The following TXNL1 variants were observed in gnomAD, a reference collection of about 807,000 sequenced individuals.
TXNL1 encodes the protein thioredoxin-like protein 1.
TXNL1 carries 14 observed loss-of-function variants against 35.5 expected under a neutral mutation model. That is an observed-to-expected ratio of 0.39 (90% CI 0.26 to 0.62). TXNL1 has a LOEUF of 0.62. Ranked by LOEUF, TXNL1 falls within the 20% of genes least tolerant of loss-of-function variation. The pLI is 0.47. For missense variants in TXNL1, 263 were observed against 349.7 expected (o/e 0.75, Z 1.98); for synonymous variants, 110 against 115.5 (o/e 0.95, Z 0.31).
intron 5 of TXNL1, among the ~76,000 whole-genome samples, chr18:56,614,857 C>T (rs2024058296): frequency 6.6e-6 from 1 of 152,148 alleles, no homozygotes; most frequent in Non-Finnish European, 1.5e-5. Context: ...CAGACACACA[C>T]ACACAGAGGG....
At chr18:56,629,632 A>G (rs1025679407) in intron 1 of TXNL1, among the ~76,000 whole-genome samples, 6 of 152,244 alleles carry the variant, frequency 3.9e-5, no homozygotes, top group Admixed American at 2.0e-4. Context: ...ATGAACAGTT[A>G]GTATCCATAA....
chr18:56,624,713 T>C (rs1213285962), intron 2 of TXNL1, among the ~76,000 whole-genome samples: 1 of 152,138 alleles, frequency 6.6e-6, no homozygotes, highest in East Asian at 1.9e-4. Flanking sequence ...AAATACATCA[T>C]CCAGTAGAAA....
intron 7 of TXNL1, among the ~76,000 whole-genome samples, chr18:56,606,782 G>A (rs978479202): frequency 1.3e-5 from 2 of 152,316 alleles, no homozygotes; most frequent in South Asian, 2.1e-4. Context: ...ATAAACTGCT[G>A]TAGACAGAGA....
intron 2 of TXNL1, 176 bp downstream of exon 2, chr18:56,626,185 C>A (rs2144322630): frequency 1.5e-6 from 2 of 1,334,814 alleles, no homozygotes; most frequent in South Asian, 4.5e-5. Flanking sequence ...TAATGTGCTA[C>A]TCTTCTTAAC....
At chr18:56,619,417 A>T (rs1027162602) in intron 3 of TXNL1, among the ~76,000 whole-genome samples, 4 of 151,032 alleles carry the variant, frequency 2.6e-5, no homozygotes, top group Non-Finnish European at 4.4e-5. Context: ...GGGCACCTAT[A>T]ATCCCAGCTA....
Position 56,626,282 on chromosome 18 carries a change from G to A in TXNL1, c.195+79C>T, listed in dbSNP as rs146790131. ...GGAATAAGTACTATGTGCATCAAGAGATAAATGAAGAATATTAATGTTGGA... is the reference window on the plus strand; with the variant it reads ...GGAATAAGTACTATGTGCATCAAGAAATAAATGAAGAATATTAATGTTGGA... On this transcript the variant is annotated intron_variant, in intron 2 of 7. Coordinates refer to ENST00000217515, the MANE Select transcript of TXNL1 (RefSeq NM_004786.3). 4.9e-5 allele frequency: 75 copies of A among 1,542,622 alleles called. No individual in the cohort carries two copies. The African/African-American group carries it at 8.0e-4, about 17-fold the overall frequency.
intron 3 of TXNL1, among the ~76,000 whole-genome samples, chr18:56,618,489 C>A (rs747256519): frequency 6.6e-6 from 1 of 152,136 alleles, no homozygotes; most frequent in African/African-American, 2.4e-5. Context: ...CTCTTTATAT[C>A]TATGAAGATG....
At chr18:56,634,602 G>A (rs532133906) in intron 1 of TXNL1, among the ~76,000 whole-genome samples, 1 of 152,234 alleles carries the variant, frequency 6.6e-6, no homozygotes, top group South Asian at 2.1e-4. Context: ...GGAAAAATTG[G>A]ATATCCACAT....
In TXNL1 at chr18:56,628,411, G is replaced by A. The variant is rs76206604; in HGVS notation, c.99-1954C>T. Among the ~76,000 whole-genome samples, 689 of 152,246 alleles carry A rather than the reference G, an allele frequency of 4.5e-3. 3 individuals carry two copies. Among genetic ancestry groups the A allele is most frequent in the Non-Finnish European group, 7.3e-3 (499 of 68,012 alleles). On this transcript the variant is annotated intron_variant, in intron 1 of 7. Coordinates refer to ENST00000217515, the MANE Select transcript of TXNL1 (RefSeq NM_004786.3). ...AGTATTATTAGTAATAGTTCTAAGA[G>A]TCAAAAATCAGAAACAATTAAATTC...
Position 56,638,467 on chromosome 18 carries a change from C to A in TXNL1, c.-27G>T. On this transcript the variant is annotated 5_prime_UTR_variant, in exon 1 of 8. Coordinates refer to ENST00000217515, the MANE Select transcript of TXNL1 (RefSeq NM_004786.3). ...CTCACAGAGAGCCCGGCAGGGTGGC[C>A]GCGACGCCACTGGCTTTGAAACTGA... The A allele has an allele frequency of 6.2e-7, 1 of 1,600,990 alleles. No individual in the cohort carries two copies. The highest frequency in any genetic ancestry group is 8.5e-7 in the Non-Finnish European group (1 of 1,172,066).
chr18:56,614,780 A>G lies in TXNL1; in HGVS notation c.563-184T>C, dbSNP rs549983856. 1.9e-4 allele frequency among the ~76,000 whole-genome samples: 29 copies of G among 152,328 alleles called. 2 individuals carry two copies. The Middle Eastern group carries it at 0.014, about 71-fold the overall frequency. On this transcript the variant is annotated intron_variant, in intron 5 of 7. Transcript: ENST00000217515. ...GGTAGCCAATCCTTTATTTTCCAAA[A>G]CACATTTACTGGTTCCTTCTTGGCC...
chr18:56,612,983 G>A (rs1281752442), intron 6 of TXNL1, among the ~76,000 whole-genome samples: 2 of 151,828 alleles, frequency 1.3e-5, no homozygotes, highest in South Asian at 2.1e-4. Context: ...TGGGACTACA[G>A]GCGCATCACC....
intron 5 of TXNL1, among the ~76,000 whole-genome samples, chr18:56,615,255 C>T (rs2024065214): frequency 6.6e-6 from 1 of 151,888 alleles, no homozygotes. Flanking sequence ...ACAGCATTTG[C>T]TTATACAAAT....
chr18:56,632,737 C>A (rs2024394373), intron 1 of TXNL1, among the ~76,000 whole-genome samples: 1 of 152,180 alleles, frequency 6.6e-6, no homozygotes, highest in African/African-American at 2.4e-5. Context: ...AAGCTTGGGA[C>A]AGTGCGAGGA....
chr18:56,603,157 A>T, intron 7 of TXNL1, 101 bp from the exon 8 acceptor site: 1 of 1,081,588 alleles, frequency 9.2e-7, no homozygotes, highest in Non-Finnish European at 1.3e-6. Context: ...ATTAATTTTT[A>T]TCCTTGGATC....
At position 56,602,915 on chromosome 18, in the gene TXNL1, A is replaced by G. The variant is rs1663926995; in HGVS notation, c.*112T>C. On this transcript the variant is annotated 3_prime_UTR_variant, in exon 8 of 8. Transcript: ENST00000217515. ...TGATACCATCTGAACAAAAGCAATG[A>G]TTTATTGGTAATGGCAATGAATGAA... The G allele has an allele frequency of 8.8e-7, 1 of 1,133,674 alleles. No homozygotes were observed. Among genetic ancestry groups the G allele is most frequent in the African/African-American group, 1.5e-5 (1 of 64,714 alleles). 70.2% of individuals were successfully genotyped at this position (1,133,674 alleles called of 1,614,324 possible). A position where few individuals can be genotyped will look rare whatever the true frequency, so the allele number is the denominator to read the frequency against.
Position 56,603,297 on chromosome 18 carries a change from T to A in TXNL1, c.841-241A>T, listed in dbSNP as rs591783. On this transcript the variant is annotated intron_variant, in intron 7 of 7. Coordinates refer to ENST00000217515, the MANE Select transcript of TXNL1 (RefSeq NM_004786.3). ...TTTCACACAGTTTTTTTTTTTTTTT[T>A]AAATAGCAATTTTTAAAAACAAGGT... Among the ~76,000 whole-genome samples the A allele has an allele frequency of 2.5e-4, 38 of 151,102 alleles. No individual in the cohort carries two copies. The South Asian group carries it at 2.9e-3, about 12-fold the overall frequency.
chr18:56,628,081 G>A (rs1480577475), intron 1 of TXNL1, among the ~76,000 whole-genome samples: 2 of 152,144 alleles, frequency 1.3e-5, no homozygotes, highest in African/African-American at 4.8e-5. Flanking sequence ...CTTGACAAAT[G>A]AGATTATCCA....
intron 1 of TXNL1, 105 bp from the exon 2 acceptor site, chr18:56,626,562 G>A: frequency 2.0e-6 from 2 of 1,022,448 alleles, no homozygotes; most frequent in Non-Finnish European, 2.9e-6. Flanking sequence ...GCTGGCTTTT[G>A]ACTCTCTGTT....
Sources: allele counts gnomAD v4.1 joint callset (sites outside exome capture counted in the v4.1 genomes callset), GRCh38; gene constraint gnomAD v4.1.1; transcripts MANE v1.5; gene names NCBI Gene and HGNC (gene_info 2026-07-23, HGNC 2026-07-21).